The following CCDC82 variants were observed in gnomAD, a reference collection of about 807,000 sequenced individuals.
The protein encoded by CCDC82 is coiled-coil domain-containing protein 82.
In CCDC82, 47 loss-of-function variants were observed where a neutral mutation model predicts 60.6. That is an observed-to-expected ratio of 0.77 (90% CI 0.61 to 0.99). The LOEUF (loss-of-function observed/expected upper bound fraction) is 0.99, where lower values mean the gene tolerates loss of function less well. Ranked by LOEUF, CCDC82 falls within the 50% of genes least tolerant of loss-of-function variation. The probability of loss-of-function intolerance (pLI) is 0.00; values close to 1 mark genes in which losing one functional copy is unlikely to be tolerated. For synonymous variants in CCDC82, 212 were observed against 207.4 expected (o/e 1.02, Z -0.19); for missense variants, 588 against 633.0 (o/e 0.93, Z 0.76).
At chr11:96,369,650 C>A (rs1865154298) in intron 7 of CCDC82, among the ~76,000 whole-genome samples, 1 of 152,034 alleles carries the variant, frequency 6.6e-6, no homozygotes, top group Admixed American at 6.6e-5. Context: ...AGATCACTGA[C>A]CACAGATCAC....
chr11:96,378,444 G>A lies in CCDC82; in HGVS notation c.991+4825C>T, dbSNP rs186824532. Among the ~76,000 whole-genome samples, 491 of 152,004 alleles carry A rather than the reference G, an allele frequency of 3.2e-3. 7 individuals carry two copies. Among genetic ancestry groups the A allele is most frequent in the Non-Finnish European group, 1.3e-3 (89 of 67,866 alleles). On this transcript the variant is annotated intron_variant, in intron 5 of 9. Coordinates refer to ENST00000646818, the MANE Select transcript of CCDC82 (RefSeq NM_024725.4). ...GTACTTTTTACTTATCCTAGAACAAGGGAAAGTTCTAAGATTTAATATTTA... is the reference window on the plus strand; with the variant it reads ...GTACTTTTTACTTATCCTAGAACAAAGGAAAGTTCTAAGATTTAATATTTA...
intron 8 of CCDC82, among the ~76,000 whole-genome samples, chr11:96,361,069 T>C (rs1441992560): frequency 6.6e-6 from 1 of 152,218 alleles, no homozygotes; most frequent in Non-Finnish European, 1.5e-5. Flanking sequence ...TAATGACATT[T>C]CAGCAATTCA....
intron 7 of CCDC82, among the ~76,000 whole-genome samples, chr11:96,368,380 G>A (rs1346087370): frequency 6.6e-6 from 1 of 152,006 alleles, no homozygotes; most frequent in Non-Finnish European, 1.5e-5. Context: ...TATCATTCAG[G>A]TTTTGTTGTT....
intron 1 of CCDC82, chr11:96,389,322 T>C (rs1268280381): frequency 4.6e-5 from 7 of 152,076 alleles, no homozygotes; most frequent in Non-Finnish European, 1.0e-4. Flanking sequence ...ATAGATCCTC[T>C]CAGGAATTAA....
chr11:96,374,144 G>A (rs1217871666), intron 5 of CCDC82, among the ~76,000 whole-genome samples: 2 of 152,166 alleles, frequency 1.3e-5, no homozygotes, highest in Non-Finnish European at 2.9e-5. Flanking sequence ...CTGTGGAAAT[G>A]TTCTCTATCA....
chr11:96,357,273 T>C, intron 9 of CCDC82: 1 of 985,390 alleles, frequency 1.0e-6, no homozygotes, highest in Non-Finnish European at 1.2e-6. Flanking sequence ...TAGGAACAAA[T>C]TTTTTAAGTG....
chr11:96,360,473 G>A (rs1307848663), intron 8 of CCDC82, among the ~76,000 whole-genome samples: 1 of 151,832 alleles, frequency 6.6e-6, no homozygotes, highest in African/African-American at 2.4e-5. Context: ...GGGATTATAG[G>A]TGTGAGCCAC....
At chr11:96,366,157 C>T (rs1477710141) in intron 7 of CCDC82, among the ~76,000 whole-genome samples, 2 of 152,176 alleles carry the variant, frequency 1.3e-5, no homozygotes, top group Non-Finnish European at 2.9e-5. Context: ...AAACCTTTAT[C>T]GACCTCTATC....
At chr11:96,388,506 T>A (rs1189345808) in intron 1 of CCDC82, 2 of 152,240 alleles carry the variant, frequency 1.3e-5, no homozygotes, top group East Asian at 3.8e-4. Context: ...ATAGCTATGT[T>A]ATCTGCCAAA....
At position 96,383,141 on chromosome 11, in the gene CCDC82, A is replaced by G; in HGVS notation, c.991+128T>C. On this transcript the variant is annotated intron_variant, in intron 5 of 9. Transcript: ENST00000646818. Reference sequence around the variant, plus strand: ...ACTGGAATAAACTATTAAACTGACAAGGTTATCTGAAAATGAAACCACAGT... The same window carrying G: ...ACTGGAATAAACTATTAAACTGACAGGGTTATCTGAAAATGAAACCACAGT... 1.2e-5 allele frequency: 8 copies of G among 657,382 alleles called. 1 individual carries two copies. The South Asian group carries it at 1.5e-4, about 12-fold the overall frequency. The allele number at this position is 657,382 out of a possible 1,614,324, so 40.7% of individuals were successfully genotyped here. A position where few individuals can be genotyped will look rare whatever the true frequency, so the allele number is the denominator to read the frequency against.
rs147827239 is a variant in CCDC82 at position 96,371,032 on chromosome 11, C to T, written c.1190G>A (p.Arg397His). 136 of 1,593,684 alleles carry T rather than the reference C, an allele frequency of 8.5e-5. No individual in the cohort carries two copies. Among genetic ancestry groups the T allele is most frequent in the African/African-American group, 2.6e-4 (19 of 73,968 alleles). ...PRLESLVSRS[R>H]WKEQYKERVE... ...GTGTACCTTATATTGCTCTTTCCAACGACTTCTAGATACCAAGCTCTCTAG... is the reference window on the plus strand; with the variant it reads ...GTGTACCTTATATTGCTCTTTCCAATGACTTCTAGATACCAAGCTCTCTAG... The change falls in exon 7 of 10, where the codon CGT (arginine) becomes CAT (histidine). Residue 397 changes from arginine to histidine, a missense_variant. Coordinates refer to ENST00000646818, the MANE Select transcript of CCDC82 (RefSeq NM_024725.4).
At chr11:96,372,881 G>C (rs1448667105) in intron 6 of CCDC82, among the ~76,000 whole-genome samples, 1 of 151,526 alleles carries the variant, frequency 6.6e-6, no homozygotes, top group Admixed American at 6.6e-5. Context: ...AATGATGGCG[G>C]CACAAATGAG....
At chr11:96,357,512 A>G (rs967261644) in intron 9 of CCDC82, 2 of 985,226 alleles carry the variant, frequency 2.0e-6, no homozygotes, top group Admixed American at 6.2e-5. Flanking sequence ...TTAAAATTCC[A>G]GGTCCCTTCT....
intron 8 of CCDC82, 88 bp downstream of exon 8, chr11:96,364,892 G>T: frequency 8.1e-7 from 1 of 1,240,440 alleles, no homozygotes; most frequent in Non-Finnish European, 1.1e-6. Context: ...GTTTCCACTT[G>T]GGTCAAATTT....
chr11:96,369,358 A>G, intron 7 of CCDC82, among the ~76,000 whole-genome samples: 1 of 152,238 alleles, frequency 6.6e-6, no homozygotes, highest in East Asian at 1.9e-4. Context: ...TGAACTTTTG[A>G]CATGCTTTCC....
At chr11:96,365,629 TAC>T (rs1336561108) in intron 7 of CCDC82, among the ~76,000 whole-genome samples, 1 of 152,220 alleles carries the variant, frequency 6.6e-6, no homozygotes, top group Non-Finnish European at 1.5e-5. Context: ...GATAACTTAC[TAC>T]AGTCCTGGGG....
In CCDC82 at chr11:96,359,004, A is replaced by G; in HGVS notation, c.1555T>C (p.Trp519Arg). The change falls in exon 9 of 10, where the codon TGG becomes CGG. Residue 519 changes from tryptophan (W) to arginine (R), a missense_variant. Trp to Arg is a moderately radical substitution (Grantham distance 101, BLOSUM62 -3). Coordinates refer to ENST00000646818, the MANE Select transcript of CCDC82 (RefSeq NM_024725.4). The stretch of plus-strand genomic sequence containing the variant: ...TATATTCACCTTACCTCCTTAATCC[A>G]GCCATTTTCTTTTGACCGCCTGAAA... ...RIFRRSKENGWIKEKYGQLEE... is the reference protein window; with the variant it reads ...RIFRRSKENGRIKEKYGQLEE... 6.2e-7 allele frequency: 1 copy of G among 1,608,502 alleles called. No homozygotes were observed. The highest frequency in any genetic ancestry group is 2.2e-5 in the East Asian group (1 of 44,446).
Position 96,383,346 on chromosome 11 carries a change from CCCT to C in CCDC82, c.911_913del (p.Glu304del), listed in dbSNP as rs780397210. On this transcript the variant is annotated inframe_deletion, in exon 5 of 10. Coordinates refer to ENST00000646818, the MANE Select transcript of CCDC82 (RefSeq NM_024725.4). Reference sequence around the variant, plus strand: ...TTGTTGGTTTTTATTCTCTTCATCACCCTCCTCATCTTGCACTACAAAGTCATC... The same window carrying C: ...TTGTTGGTTTTTATTCTCTTCATCACCCTCATCTTGCACTACAAAGTCATC... The C allele has an allele frequency of 1.7e-5, 27 of 1,606,426 alleles. No individual in the cohort carries two copies. The African/African-American group carries it at 1.9e-4, about 11-fold the overall frequency.
rs1158571392 is a variant in CCDC82 at position 96,362,676 on chromosome 11, C to T, written c.1380+2304G>A. Among the ~76,000 whole-genome samples the T allele has an allele frequency of 3.9e-5, 6 of 152,274 alleles. No individual in the cohort carries two copies. In the South Asian group the frequency reaches 6.2e-4, roughly 16 times the overall value. On this transcript the variant is annotated intron_variant, in intron 8 of 9. Coordinates refer to ENST00000646818, the MANE Select transcript of CCDC82 (RefSeq NM_024725.4). ...CACAATCTGGTGGTCCAAGGCCTCT[C>T]GTCTCAGTACCCTATCAATACTGCT...
Sources: gnomAD v4.1 joint callset for allele counts (sites outside exome capture counted in the v4.1 genomes callset) on GRCh38, gnomAD v4.1.1 for gene constraint, MANE v1.5 for transcripts, NCBI Gene and HGNC (gene_info 2026-07-23, HGNC 2026-07-21) for gene names.